The following RBM38 variants were observed in gnomAD, a reference collection of about 807,000 sequenced individuals.
The protein encoded by RBM38 is RNA binding motif protein 38.
RBM38 carries 11 observed loss-of-function variants against 23.5 expected under a neutral mutation model. The ratio of observed to expected loss-of-function variants is 0.47; its 90% CI spans 0.29 to 0.77. The LOEUF is 0.77. Among genes scored for constraint, RBM38 ranks in the 30% least tolerant of loss-of-function variants. RBM38 has a pLI of 0.08. For missense variants in RBM38, 330 were observed against 351.9 expected, an observed-to-expected ratio of 0.94 and a Z score of 0.50; for synonymous variants, 165 against 166.1, an observed-to-expected ratio of 0.99 and a Z score of 0.05.
chr20:57,404,508 C>T (rs1238100790), intron 3 of RBM38, among the ~76,000 whole-genome samples: 1 of 152,234 alleles, frequency 6.6e-6, no homozygotes, highest in Non-Finnish European at 1.5e-5. Context: ...CTGCTGGGCA[C>T]AGCCCCAAGA....
chr20:57,402,715 C>T (rs370094422), intron 3 of RBM38, among the ~76,000 whole-genome samples: 3 of 152,266 alleles, frequency 2.0e-5, no homozygotes, highest in African/African-American at 4.8e-5. Context: ...CTTGGGCCTG[C>T]GGCCGGGGCG....
chr20:57,394,828 T>G (rs1304585230), intron 3 of RBM38, among the ~76,000 whole-genome samples: 1 of 152,116 alleles, frequency 6.6e-6, no homozygotes, highest in African/African-American at 2.4e-5. Context: ...CGGGAGCAGC[T>G]GCCCAGAGGT....
intron 3 of RBM38, among the ~76,000 whole-genome samples, chr20:57,397,434 G>A (rs541768745): frequency 6.6e-6 from 1 of 152,296 alleles, no homozygotes; most frequent in African/African-American, 2.4e-5. Context: ...ACAAGGCCTC[G>A]AGACTGATGA....
rs758130442 is a variant in RBM38 at position 57,397,177 on chromosome 20, CTG to C, written c.416+3851_416+3852del. ...TGCCTTCCCTACAGGGCCAACTTGA[CTG>C]TGTGTGGAGGGCCTGGCCCTGGGAA... On this transcript the variant is annotated intron_variant, in intron 3 of 3. Transcript: ENST00000356208. Among the ~76,000 whole-genome samples, 15 of 152,236 alleles carry C rather than the reference CTG, an allele frequency of 9.9e-5. 1 individual carries two copies. The highest frequency in any genetic ancestry group is 1.9e-4 in the Non-Finnish European group (13 of 68,042).
Position 57,408,221 on chromosome 20 carries a change from C to G in RBM38, c.*375C>G. The G allele has an allele frequency of 5.5e-6, 2 of 364,118 alleles. No individual in the cohort carries two copies. The highest frequency in any genetic ancestry group is 1.0e-5 in the Non-Finnish European group (2 of 190,588). The allele number at this position is 364,118 out of a possible 1,614,324, so 22.6% of individuals were successfully genotyped here. A position where few individuals can be genotyped will look rare whatever the true frequency, so the allele number is the denominator to read the frequency against. On this transcript the variant is annotated 3_prime_UTR_variant, in exon 4 of 4. Transcript: ENST00000356208. ...GCGGGGTGTCACAGACCCTCTGCAG[C>G]CCCTGGCTGCCCTGGACTGTGCAGA...
rs377524807 is a variant in RBM38, at chr20:57,407,588, C to T, written c.462C>T (p.Ser154=). 7.0e-5 allele frequency: 113 copies of T among 1,613,784 alleles called. 1 individual carries two copies. The highest frequency in any genetic ancestry group is 2.0e-4 in the Admixed American group (12 of 60,012). ...YIYPPAIVQP[S]VVIPAAPVPS... ...ACCCACCAGCCATCGTGCAGCCCAG[C>T]GTGGTGATCCCAGCCGCCCCTGTCC... The change falls in exon 4 of 4, where the codon AGC becomes AGT. Residue 154 remains serine (S), a synonymous_variant. Coordinates refer to ENST00000356208, the MANE Select transcript of RBM38 (RefSeq NM_017495.6). This position sits in a 1 kb window ranked among gnomAD's most constrained non-coding sequence, Gnocchi z 4.0.
rs2067210561 is a variant in RBM38 at position 57,391,399 on chromosome 20, G to A, written c.-183G>A. On this transcript the variant is annotated 5_prime_UTR_variant, in exon 1 of 4. Coordinates refer to ENST00000356208, the MANE Select transcript of RBM38 (RefSeq NM_017495.6). ...AGCCCGGGGGCGGTGCCGGGGCGCA[G>A]AGTCCCCGCAGCGCCGGTCGGGAGC... 1 of 148,868 alleles carries A rather than the reference G, an allele frequency of 6.7e-6. No individual in the cohort carries two copies. The highest frequency in any genetic ancestry group is 1.5e-5 in the Non-Finnish European group (1 of 67,068). 9.2% of individuals were successfully genotyped at this position (148,868 alleles called of 1,614,324 possible).
At chr20:57,406,134 C>G (rs2067381243) in intron 3 of RBM38, among the ~76,000 whole-genome samples, 1 of 152,232 alleles carries the variant, frequency 6.6e-6, no homozygotes, top group African/African-American at 2.4e-5. Flanking sequence ...GAAGACCACT[C>G]CGTGCCTCGG....
rs926546405 is a variant in RBM38, at chr20:57,406,135, C to T, written c.417-1408C>T. 3.3e-5 allele frequency among the ~76,000 whole-genome samples: 5 copies of T among 152,212 alleles called. No individual in the cohort carries two copies. In the South Asian group the frequency reaches 6.2e-4, roughly 19 times the overall value. ...AGTGCCGTGCCCTGGAAGACCACTC[C>T]GTGCCTCGGACTCTGCAGCAGCTTC... On this transcript the variant is annotated intron_variant, in intron 3 of 3. Coordinates refer to ENST00000356208, the MANE Select transcript of RBM38 (RefSeq NM_017495.6).
rs1065288 is a variant in RBM38 at position 57,407,659 on chromosome 20, C to G, written c.533C>G (p.Ala178Gly). ...PYIEYTPASP[A>G]YAQYPPATYD... ...ATTGAGTACACGCCGGCCAGCCCGGCCTACGCCCAGTACCCACCGGCCACC... is the reference window on the plus strand; with the variant it reads ...ATTGAGTACACGCCGGCCAGCCCGGGCTACGCCCAGTACCCACCGGCCACC... Residue 178 changes from alanine (A) to glycine (G), a missense_variant, in exon 4 of 4, where the codon GCC (alanine) becomes GGC (glycine). Ala to Gly is a moderately conservative substitution (Grantham distance 60). Transcript: ENST00000356208. This position sits in a 1 kb window ranked among gnomAD's most constrained non-coding sequence, Gnocchi z 4.0. The G allele has an allele frequency of 3.1e-6, 5 of 1,613,232 alleles. No homozygotes were observed. The highest frequency in any genetic ancestry group is 4.2e-6 in the Non-Finnish European group (5 of 1,179,844).
intron 3 of RBM38, among the ~76,000 whole-genome samples, chr20:57,403,087 C>T (rs1271061659): frequency 2.6e-5 from 4 of 152,290 alleles, no homozygotes; most frequent in East Asian, 1.9e-4. Flanking sequence ...CACCCCCACC[C>T]GCACCTCATA....
Position 57,408,023 on chromosome 20 carries a change from C to T in RBM38, c.*177C>T, listed in dbSNP as rs553176848. On this transcript the variant is annotated 3_prime_UTR_variant, in exon 4 of 4. Coordinates refer to ENST00000356208, the MANE Select transcript of RBM38 (RefSeq NM_017495.6). ...CCCTGGGACAGCGGAGAGACGGCTT[C>T]TCTTTAATCTAGGTCCCATTGTGTC... is the stretch of plus-strand genomic sequence containing the variant. The T allele has an allele frequency of 2.3e-4, 160 of 695,514 alleles. 1 individual carries two copies. Among genetic ancestry groups the T allele is most frequent in the Admixed American group, 1.1e-3 (37 of 34,296 alleles). 43.1% of individuals were successfully genotyped at this position (695,514 alleles called of 1,614,324 possible).
chr20:57,391,752 C>A lies in RBM38; in HGVS notation c.171C>A (p.Phe57Leu). 6.4e-7 allele frequency: 1 copy of A among 1,570,158 alleles called. No homozygotes were observed. The highest frequency in any genetic ancestry group is 2.4e-5 in the East Asian group (1 of 41,216). Residue 57 changes from phenylalanine to leucine, a missense_variant, in exon 1 of 4, where the codon TTC becomes TTA. Phe to Leu is a conservative substitution (Grantham distance 22, BLOSUM62 0). Transcript: ENST00000356208. ...CGCTCAGGAAGTACTTCGAGGGCTT[C>A]GGCGACATCGAGGAGGCCGTGGTCA... ...DASLRKYFEG[F>L]GDIEEAVVIT...
At chr20:57,399,159 G>T (rs2146210074) in intron 3 of RBM38, among the ~76,000 whole-genome samples, 1 of 152,340 alleles carries the variant, frequency 6.6e-6, no homozygotes, top group East Asian at 1.9e-4. Flanking sequence ...AGCCGGGGAG[G>T]CTCAGGGCCC....
chr20:57,392,631 C>G (rs2067232077), intron 1 of RBM38, 23 bp from the exon 2 acceptor site: 10 of 1,605,444 alleles, frequency 6.2e-6, no homozygotes, highest in South Asian at 1.1e-5. Flanking sequence ...ACGGCAGCCC[C>G]TGATGTGTCT....
intron 3 of RBM38, chr20:57,399,880 C>T (rs894050816): frequency 6.6e-6 from 3 of 456,314 alleles, no homozygotes; most frequent in Admixed American, 4.7e-5. Context: ...CCCTGGAGAG[C>T]AGGGAAAGTG....
At chr20:57,399,413 C>T (rs981804204) in intron 3 of RBM38, among the ~76,000 whole-genome samples, 6 of 152,186 alleles carry the variant, frequency 3.9e-5, no homozygotes, top group African/African-American at 1.2e-4. Flanking sequence ...GTGCTGCCTG[C>T]ACCAGCGGCC....
intron 3 of RBM38, among the ~76,000 whole-genome samples, chr20:57,398,638 C>T (rs770553996): frequency 1.3e-5 from 2 of 152,256 alleles, no homozygotes; most frequent in African/African-American, 4.8e-5. Context: ...GCGCCCGTGC[C>T]GCACCTGTTG....
At chr20:57,403,819 G>A (rs912503486) in intron 3 of RBM38, among the ~76,000 whole-genome samples, 3 of 152,120 alleles carry the variant, frequency 2.0e-5, no homozygotes, top group Admixed American at 2.0e-4. Flanking sequence ...ATAGGGCTTC[G>A]CCATGTTGGC....
Sources: gnomAD v4.1 joint callset for allele counts (sites outside exome capture counted in the v4.1 genomes callset) on GRCh38, gnomAD v4.1.1 for gene constraint, Gnocchi (gnomAD v3.1) non-coding constraint, MANE v1.5 for transcripts, NCBI Gene and HGNC (gene_info 2026-07-23, HGNC 2026-07-21) for gene names.